The following IMMP2L variants were observed in gnomAD, a reference collection of about 807,000 sequenced individuals.
IMMP2L encodes the protein mitochondrial inner membrane protease subunit 2.
Under a neutral mutation model 19.3 loss-of-function variants are expected in IMMP2L, and 18 were observed. The observed-to-expected ratio is 0.93, with a 90% CI of 0.64 to 1.38. IMMP2L has a LOEUF of 1.38. Ranked by LOEUF, IMMP2L falls within the 40% of genes most tolerant of loss-of-function variation. The pLI is 0.00. For missense variants in IMMP2L, 233 were observed against 218.2 expected (o/e 1.07, Z -0.43); for synonymous variants, 76 against 73.0 (o/e 1.04, Z -0.21).
At chr7:111,062,747 A>C (rs1192264130) in intron 3 of IMMP2L, among the ~76,000 whole-genome samples, 1 of 152,168 alleles carries the variant, frequency 6.6e-6, no homozygotes, top group Non-Finnish European at 1.5e-5. Flanking sequence ...CAAGTTCAAA[A>C]TCCAGCAGAG....
At chr7:111,549,804 G>A (rs1849274080) in intron 1 of IMMP2L, among the ~76,000 whole-genome samples, 1 of 152,018 alleles carries the variant, frequency 6.6e-6, no homozygotes, top group South Asian at 2.1e-4. Context: ...AGCCAGACAT[G>A]GTAACACATG....
At chr7:111,134,399 T>G (rs142503821) in intron 3 of IMMP2L, among the ~76,000 whole-genome samples, 39 of 152,114 alleles carry the variant, frequency 2.6e-4, no homozygotes, top group African/African-American at 9.4e-4. Context: ...CAGGTATCCA[T>G]TCTATATTTT....
intron 4 of IMMP2L, among the ~76,000 whole-genome samples, chr7:110,955,774 A>G (rs1818293541): frequency 6.6e-6 from 1 of 151,792 alleles, no homozygotes; most frequent in Non-Finnish European, 1.5e-5. Flanking sequence ...GGTCCTGGAC[A>G]TGAGTTTCTT....
intron 5 of IMMP2L, among the ~76,000 whole-genome samples, chr7:110,670,241 A>AG (rs1470237862): frequency 1.3e-5 from 2 of 152,302 alleles, no homozygotes; most frequent in South Asian, 2.1e-4. Context: ...ACAGCCAAGG[A>AG]GGGGGACTAT....
chr7:111,556,018 G>GTGTGTATATATATATATATA (rs777862357), intron 1 of IMMP2L, among the ~76,000 whole-genome samples: 2,719 of 91,206 alleles, frequency 0.03, 260 homozygotes, highest in Middle Eastern at 0.048. Flanking sequence ...CTGTGTGCAT[G>GTGTGTATATATATATATATA]TATATATATA....
At chr7:111,258,509 CTTT>C (rs978805162) in intron 3 of IMMP2L, among the ~76,000 whole-genome samples, 7 of 152,048 alleles carry the variant, frequency 4.6e-5, no homozygotes, top group African/African-American at 1.7e-4. Flanking sequence ...TTTAATTTTA[CTTT>C]TTTTATTTTT....
chr7:111,059,633 T>A (rs2129574331), intron 3 of IMMP2L, among the ~76,000 whole-genome samples: 1 of 152,340 alleles, frequency 6.6e-6, no homozygotes, highest in Admixed American at 6.5e-5. Flanking sequence ...AATGCTCACT[T>A]AATTTTATAT....
intron 4 of IMMP2L, among the ~76,000 whole-genome samples, chr7:110,921,052 G>A (rs1181328781): frequency 6.6e-6 from 1 of 152,078 alleles, no homozygotes; most frequent in African/African-American, 2.4e-5. Context: ...AAAAGAATAA[G>A]AATTAGAACT....
At chr7:110,706,081 G>T (rs1474141164) in intron 5 of IMMP2L, among the ~76,000 whole-genome samples, 3 of 152,044 alleles carry the variant, frequency 2.0e-5, no homozygotes, top group Non-Finnish European at 4.4e-5. Context: ...TATATACCCA[G>T]TAATAGGATT....
At chr7:110,850,859 C>A (rs1242133270) in intron 5 of IMMP2L, among the ~76,000 whole-genome samples, 1 of 151,610 alleles carries the variant, frequency 6.6e-6, no homozygotes, top group African/African-American at 2.4e-5. Flanking sequence ...ACTTGCTATT[C>A]ATAATCTAGA....
chr7:110,951,106 A>T (rs1160584777), intron 4 of IMMP2L, among the ~76,000 whole-genome samples: 1 of 151,412 alleles, frequency 6.6e-6, no homozygotes, highest in East Asian at 1.9e-4. Context: ...GAAGGGGGTT[A>T]CCAGGAGCTG....
At chr7:111,538,007 G>C in intron 1 of IMMP2L, among the ~76,000 whole-genome samples, 1 of 151,970 alleles carries the variant, frequency 6.6e-6, no homozygotes, top group East Asian at 1.9e-4. Context: ...GGTTAGCTTA[G>C]ATGTCACTAT....
At chr7:110,762,626 C>G (rs999020999) in intron 5 of IMMP2L, among the ~76,000 whole-genome samples, 1 of 152,048 alleles carries the variant, frequency 6.6e-6, no homozygotes, top group African/African-American at 2.4e-5. Context: ...CTTTAAGTAG[C>G]TTTGTCTGGG....
At chr7:111,539,322 T>C (rs972390654) in intron 1 of IMMP2L, among the ~76,000 whole-genome samples, 6 of 152,106 alleles carry the variant, frequency 3.9e-5, no homozygotes, top group Non-Finnish European at 5.9e-5. Flanking sequence ...CTTCAGGAAG[T>C]TGACTTTTCT....
intron 5 of IMMP2L, among the ~76,000 whole-genome samples, chr7:110,747,118 A>C (rs1179353790): frequency 6.6e-6 from 1 of 152,164 alleles, no homozygotes; most frequent in East Asian, 1.9e-4. Flanking sequence ...GAATACTATA[A>C]ACACCTCTAC....
chr7:111,353,037 C>A (rs1249972247), intron 3 of IMMP2L, among the ~76,000 whole-genome samples: 1 of 152,126 alleles, frequency 6.6e-6, no homozygotes, highest in Non-Finnish European at 1.5e-5. Flanking sequence ...ATATAGTTAA[C>A]CATCTCCATC....
chr7:111,209,996 G>A (rs1013989672), intron 3 of IMMP2L, among the ~76,000 whole-genome samples: 13 of 152,144 alleles, frequency 8.5e-5, no homozygotes, highest in African/African-American at 3.1e-4. Context: ...TCCAAGCAAG[G>A]TGTTCTTTGC....
intron 3 of IMMP2L, among the ~76,000 whole-genome samples, chr7:111,299,905 G>A (rs1822040790): frequency 7.0e-6 from 1 of 143,642 alleles, no homozygotes; most frequent in South Asian, 2.5e-4. Context: ...CTGCATCCTT[G>A]CTGACGAAAT....
rs112845292 is a variant in IMMP2L, at chr7:111,511,851, T to C, written c.135+9462A>G. Among the ~76,000 whole-genome samples the C allele has an allele frequency of 6.4e-3, 967 of 152,090 alleles. 12 individuals are homozygous for C. Among genetic ancestry groups the C allele is most frequent in the African/African-American group, 0.021 (852 of 41,470 alleles). ...CAAGGAGCTGGACTTCTAACCCCACTCAGCAATTAGGAGATGGGGCAAGTA... is the reference window on the plus strand; with the variant it reads ...CAAGGAGCTGGACTTCTAACCCCACCCAGCAATTAGGAGATGGGGCAAGTA... On this transcript the variant is annotated intron_variant, in intron 2 of 5. Coordinates refer to ENST00000405709, the MANE Select transcript of IMMP2L (RefSeq NM_032549.4).
Sources: gnomAD v4.1 joint callset for allele counts (sites outside exome capture counted in the v4.1 genomes callset) on GRCh38, gnomAD v4.1.1 for gene constraint, MANE v1.5 for transcripts, NCBI Gene and HGNC (gene_info 2026-07-23, HGNC 2026-07-21) for gene names.